PALS1: variants seen among roughly 807,000 people sequenced by gnomAD.
PALS1 encodes protein associated with LIN7 1, MAGUK p55 family member, also known as protein PALS1.
A neutral mutation model predicts 78.9 loss-of-function variants in PALS1; 31 were observed. The observed-to-expected ratio is 0.39, with a 90% CI of 0.30 to 0.53. The LOEUF (loss-of-function observed/expected upper bound fraction) is 0.53. Ranked by LOEUF, PALS1 falls within the 20% of genes least tolerant of loss-of-function variation. PALS1 has a pLI of 0.67. For synonymous variants in PALS1, 276 were observed against 270.9 expected, an observed-to-expected ratio of 1.02 and a Z score of -0.18; for missense variants, 704 against 826.5, an observed-to-expected ratio of 0.85 and a Z score of 1.82.
At chr14:67,318,234 C>T (rs2085207867) in intron 11 of PALS1, among the ~76,000 whole-genome samples, 1 of 152,106 alleles carries the variant, frequency 6.6e-6, no homozygotes, top group African/African-American at 2.4e-5. Context: ...TATTTGGGAG[C>T]AGCACACATT....
At chr14:67,247,788 A>G (rs889487687) in intron 1 of PALS1, among the ~76,000 whole-genome samples, 6 of 152,074 alleles carry the variant, frequency 3.9e-5, no homozygotes, top group Non-Finnish European at 8.8e-5. Context: ...CATGTTGCCC[A>G]GGCTGGTCTC....
chr14:67,302,067 A>G lies in PALS1; in HGVS notation c.750A>G (p.Gly250=), dbSNP rs918367945. 6.2e-7 allele frequency: 1 copy of G among 1,609,118 alleles called. No homozygotes were observed. Among genetic ancestry groups the G allele is most frequent in the African/African-American group, 1.3e-5 (1 of 74,486 alleles). Reference sequence around the variant, plus strand: ...TTTATGAAAGTATTGGCCAGTATGGAGGAGAAACTGTAAAAATAGTTCGTA... The same window carrying G: ...TTTATGAAAGTATTGGCCAGTATGGGGGAGAAACTGTAAAAATAGTTCGTA... ...ERVYESIGQY[G]GETVKIVRIE... is the part of the protein sequence containing the mutation. The change falls in exon 6 of 15, where the codon GGA becomes GGG. Residue 250 remains glycine, a synonymous_variant. Coordinates refer to ENST00000261681, the MANE Select transcript of PALS1 (RefSeq NM_022474.4).
intron 14 of PALS1, among the ~76,000 whole-genome samples, chr14:67,331,659 G>T (rs2085451683): frequency 6.6e-6 from 1 of 152,054 alleles, no homozygotes; most frequent in Admixed American, 6.6e-5. Context: ...TACTAAATAA[G>T]TGATATAAGC....
chr14:67,300,077 G>A (rs2084911214), intron 4 of PALS1, among the ~76,000 whole-genome samples: 1 of 152,142 alleles, frequency 6.6e-6, no homozygotes, highest in Non-Finnish European at 1.5e-5. Flanking sequence ...TTTTAGTTGA[G>A]TTCTTGAAGA....
chr14:67,305,286 A>AG (rs1555338243), intron 8 of PALS1, among the ~76,000 whole-genome samples: 23 of 147,008 alleles, frequency 1.6e-4, no homozygotes, highest in African/African-American at 4.2e-4. Flanking sequence ...AAGTTAAGAC[A>AG]TTTTTTTTTT....
At chr14:67,268,757 G>A (rs1333278081) in intron 1 of PALS1, among the ~76,000 whole-genome samples, 1 of 152,088 alleles carries the variant, frequency 6.6e-6, no homozygotes, top group Non-Finnish European at 1.5e-5. Context: ...TTGTCAGCAG[G>A]GCCTTTGTGA....
chr14:67,301,922 A>C, intron 5 of PALS1, 50 bp from the exon 6 acceptor site: 2 of 1,550,996 alleles, frequency 1.3e-6, no homozygotes, highest in Non-Finnish European at 1.7e-6. Flanking sequence ...ATCACTCTGC[A>C]GAAATAAATC....
intron 8 of PALS1, among the ~76,000 whole-genome samples, chr14:67,311,297 C>T (rs1198368352): frequency 7.6e-6 from 1 of 131,002 alleles, no homozygotes; most frequent in African/African-American, 3.0e-5. Context: ...GGCAACAGAG[C>T]GAGACTCCGT....
At position 67,316,835 on chromosome 14, in the gene PALS1, A is replaced by G. The variant is rs2140973080; in HGVS notation, c.1229A>G (p.Lys410Arg). 6.2e-7 allele frequency: 1 copy of G among 1,610,352 alleles called. No homozygotes were observed. The highest frequency in any genetic ancestry group is 2.2e-5 in the East Asian group (1 of 44,718). Reference protein sequence around the residue: ...NQPLAGLVPGKSFQQQREAMK... With the variant: ...NQPLAGLVPGRSFQQQREAMK... ...TCTTTTTCTTTCTGCTATTAAGGGA[A>G]AAGCTTTCAGCAGCAAAGGGAAGCC... The change falls in exon 10 of 15, where the codon AAA becomes AGA. Residue 410 changes from lysine to arginine, a missense_variant. Transcript: ENST00000261681.
At position 67,320,412 on chromosome 14, in the gene PALS1, A is replaced by G. The variant is rs375232960; in HGVS notation, c.1537+15A>G. On this transcript the variant is annotated intron_variant, in intron 12 of 14. Transcript: ENST00000261681. ...TGCAGTTCCTCGTAAGTTTGAATGC[A>G]TTCCCATTTTCCTGTGCTTTTCAAT... 2.6e-5 allele frequency: 41 copies of G among 1,578,344 alleles called. No individual in the cohort carries two copies. In the African/African-American group the frequency reaches 5.0e-4, roughly 19 times the overall value.
At chr14:67,320,959 C>A in intron 12 of PALS1, 98 bp from the exon 13 acceptor site, 1 of 927,184 alleles carries the variant, frequency 1.1e-6, no homozygotes. Context: ...ATTTTATAAT[C>A]TGTGTTACAA....
At position 67,279,223 on chromosome 14, in the gene PALS1, T is replaced by TA. The variant is rs2084562163; in HGVS notation, c.59dup (p.Asn20LysfsTer3). ...GTTACAGAGGAATCAGACAGCGAAG[T>TA]AAAAAATGTTGATCTTGCATCACCA... On this transcript the variant is annotated frameshift_variant, in exon 3 of 15. Coordinates refer to ENST00000261681, the MANE Select transcript of PALS1 (RefSeq NM_022474.4). LOFTEE classifies it high-confidence loss of function. 3 of 1,611,348 alleles carry TA rather than the reference T, an allele frequency of 1.9e-6. No individual in the cohort carries two copies. Among genetic ancestry groups the TA allele is most frequent in the Non-Finnish European group, 2.5e-6 (3 of 1,179,098 alleles).
intron 8 of PALS1, among the ~76,000 whole-genome samples, chr14:67,309,507 T>A (rs2085056596): frequency 1.3e-5 from 2 of 152,134 alleles, no homozygotes; most frequent in Admixed American, 1.3e-4. Context: ...GTCACATAAG[T>A]AAAGCATGTT....
chr14:67,247,854 C>G (rs1299319128), intron 1 of PALS1, among the ~76,000 whole-genome samples: 1 of 152,180 alleles, frequency 6.6e-6, no homozygotes, highest in East Asian at 1.9e-4. Context: ...GCTGGGATTA[C>G]AGGCATGAGT....
At position 67,299,309 on chromosome 14, in the gene PALS1, GA is replaced by G. The variant is rs1311062113; in HGVS notation, c.577-2078del. On this transcript the variant is annotated intron_variant, in intron 4 of 14. Coordinates refer to ENST00000261681, the MANE Select transcript of PALS1 (RefSeq NM_022474.4). ...CTTTGTCAGATACATATATCAAGGT[GA>G]ATATTTTGGTAAAAACAAGTAGCGA... Among the ~76,000 whole-genome samples the G allele has an allele frequency of 2.0e-5, 3 of 152,144 alleles. No individual in the cohort carries two copies. In the East Asian group the frequency reaches 5.8e-4, roughly 29 times the overall value.
chr14:67,255,025 T>C (rs1218852852), intron 1 of PALS1, among the ~76,000 whole-genome samples: 1 of 152,150 alleles, frequency 6.6e-6, no homozygotes, highest in Non-Finnish European at 1.5e-5. Flanking sequence ...GGCGCACGCC[T>C]GTAGTCCCAG....
chr14:67,266,635 C>T (rs575306778), intron 1 of PALS1, among the ~76,000 whole-genome samples: 1 of 151,714 alleles, frequency 6.6e-6, no homozygotes, highest in Admixed American at 6.6e-5. Flanking sequence ...TGAAATATTT[C>T]AGTTTTTACT....
At chr14:67,307,999 A>G (rs1383808147) in intron 8 of PALS1, among the ~76,000 whole-genome samples, 1 of 152,142 alleles carries the variant, frequency 6.6e-6, no homozygotes, top group Non-Finnish European at 1.5e-5. Context: ...CAAAAACCAC[A>G]TGTTCTCTTA....
At chr14:67,278,223 A>G (rs1433740367) in intron 2 of PALS1, among the ~76,000 whole-genome samples, 1 of 151,952 alleles carries the variant, frequency 6.6e-6, no homozygotes, top group Non-Finnish European at 1.5e-5. Flanking sequence ...TTTTCTTAGT[A>G]GAGACGGGGT....
Sources: allele counts gnomAD v4.1 joint callset (sites outside exome capture counted in the v4.1 genomes callset), GRCh38; gene constraint gnomAD v4.1.1; transcripts MANE v1.5; gene names NCBI Gene and HGNC (gene_info 2026-07-23, HGNC 2026-07-21).